The following C12orf56 variants were observed in gnomAD, a reference collection of about 807,000 sequenced individuals.
C12orf56 encodes the protein uncharacterized protein C12orf56.
Under a neutral mutation model 69.9 loss-of-function variants are expected in C12orf56, and 71 were observed. The ratio of observed to expected loss-of-function variants is 1.02; its 90% CI spans 0.84 to 1.24. The LOEUF is 1.24. C12orf56 is among the 50% of genes most tolerant of loss of function. The pLI is 0.00. For missense variants in C12orf56, 732 were observed against 738.5 expected (o/e 0.99, Z 0.10); for synonymous variants, 276 against 274.1 (o/e 1.01, Z -0.07).
At chr12:64,347,816 T>A (rs900435393) in intron 2 of C12orf56, among the ~76,000 whole-genome samples, 1 of 152,244 alleles carries the variant, frequency 6.6e-6, no homozygotes, top group Non-Finnish European at 1.5e-5. Context: ...GTCTTAAAGA[T>A]TATTGGCAAA....
At chr12:64,314,450 T>C (rs1347430649) in intron 4 of C12orf56, among the ~76,000 whole-genome samples, 5 of 152,192 alleles carry the variant, frequency 3.3e-5, no homozygotes, top group Admixed American at 6.5e-5. Context: ...ACAACACTTT[T>C]GTTAACTATT....
Position 64,265,857 on chromosome 12 carries a change from C to T in C12orf56, c.*1326G>A, listed in dbSNP as rs1486668625. The T allele has an allele frequency of 6.6e-6, 1 of 152,182 alleles. No homozygotes were observed. The highest frequency in any genetic ancestry group is 1.5e-5 in the Non-Finnish European group (1 of 68,050). The allele number at this position is 152,182 out of a possible 1,614,324, so 9.4% of individuals were successfully genotyped here. A position where few individuals can be genotyped will look rare whatever the true frequency, so the allele number is the denominator to read the frequency against. The stretch of plus-strand genomic sequence containing the variant: ...TTTGTGGAATTAAATTAGTTTATGG[C>T]ATAAAATATAGTAAAGACAAGTTTT... On this transcript the variant is annotated 3_prime_UTR_variant, in exon 13 of 13. Coordinates refer to ENST00000543942, the MANE Select transcript of C12orf56 (RefSeq NM_001170633.2).
At chr12:64,375,228 T>TTAGTAGAGACA (rs1229615322) in intron 1 of C12orf56, among the ~76,000 whole-genome samples, 1 of 152,062 alleles carries the variant, frequency 6.6e-6, no homozygotes, top group Admixed American at 6.6e-5. Context: ...CAGCTAATTT[T>TTAGTAGAGACA]GTATTTTTAG....
At chr12:64,373,448 TG>T (rs1394278355) in intron 1 of C12orf56, among the ~76,000 whole-genome samples, 1 of 152,070 alleles carries the variant, frequency 6.6e-6, no homozygotes, top group African/African-American at 2.4e-5. Context: ...AGACCTGTCT[TG>T]AAAAAAAATA....
intron 3 of C12orf56, among the ~76,000 whole-genome samples, chr12:64,321,986 T>G (rs1394372181): frequency 6.7e-6 from 1 of 149,444 alleles, no homozygotes; most frequent in East Asian, 1.9e-4. Context: ...TCATTAATTT[T>G]TTTTTACATT....
At chr12:64,331,828 TG>T (rs2136866644) in intron 2 of C12orf56, among the ~76,000 whole-genome samples, 1 of 152,268 alleles carries the variant, frequency 6.6e-6, no homozygotes, top group East Asian at 1.9e-4. Flanking sequence ...TAAGGTATTT[TG>T]TTATAGCAGC....
intron 9 of C12orf56, 39 bp downstream of exon 9, chr12:64,277,641 T>TAC (rs1565735109): frequency 8.0e-7 from 1 of 1,248,100 alleles, no homozygotes; most frequent in Non-Finnish European, 1.0e-6. Context: ...CCTATATATA[T>TAC]ATATATATAA....
At chr12:64,284,416 G>A (rs887423509) in intron 8 of C12orf56, among the ~76,000 whole-genome samples, 25 of 152,134 alleles carry the variant, frequency 1.6e-4, no homozygotes, top group Non-Finnish European at 4.4e-5. Context: ...AAGTTCACCA[G>A]ACTAGGACAA....
At chr12:64,367,836 C>G (rs1449323087) in intron 1 of C12orf56, among the ~76,000 whole-genome samples, 2 of 138,412 alleles carry the variant, frequency 1.4e-5, no homozygotes, top group African/African-American at 2.7e-5. Context: ...GAAATGGAGT[C>G]TTGCTCTGTC....
intron 2 of C12orf56, among the ~76,000 whole-genome samples, chr12:64,336,483 A>G (rs565926325): frequency 1.2e-4 from 18 of 152,286 alleles, no homozygotes; most frequent in Admixed American, 9.2e-4. Flanking sequence ...TGAAGGAAAA[A>G]AAAAGCCAAG....
intron 5 of C12orf56, among the ~76,000 whole-genome samples, chr12:64,307,004 G>C (rs10878143): frequency 1.3e-5 from 2 of 152,044 alleles, no homozygotes. Context: ...AATTAACTTA[G>C]TAATAAATAT....
intron 1 of C12orf56, among the ~76,000 whole-genome samples, chr12:64,369,320 C>A (rs965952400): frequency 6.6e-6 from 1 of 152,106 alleles, no homozygotes; most frequent in Non-Finnish European, 1.5e-5. Context: ...GCCTCAGCCT[C>A]CCAAATAGCT....
intron 2 of C12orf56, among the ~76,000 whole-genome samples, chr12:64,350,860 G>T (rs1361366626): frequency 6.6e-6 from 1 of 152,138 alleles, no homozygotes; most frequent in Non-Finnish European, 1.5e-5. Context: ...AGTCTATTTT[G>T]CAAACAACTC....
chr12:64,325,706 G>A (rs1565757071), intron 3 of C12orf56, among the ~76,000 whole-genome samples: 1 of 152,142 alleles, frequency 6.6e-6, no homozygotes, highest in Admixed American at 6.5e-5. Flanking sequence ...GGAGACTTGA[G>A]TACCCCACCT....
At chr12:64,327,440 C>T (rs12303938) in intron 3 of C12orf56, among the ~76,000 whole-genome samples, 41,230 of 152,054 alleles carry the variant, frequency 0.27, 5,950 homozygotes, top group East Asian at 0.5. Flanking sequence ...GCACGTCCTG[C>T]ATATGTATCT....
intron 2 of C12orf56, among the ~76,000 whole-genome samples, chr12:64,339,726 C>A (rs2039049251): frequency 6.6e-6 from 1 of 151,904 alleles, no homozygotes; most frequent in Non-Finnish European, 1.5e-5. Context: ...CTACACCCAG[C>A]TACTTTTTGT....
intron 1 of C12orf56, among the ~76,000 whole-genome samples, chr12:64,386,090 A>ACATT (rs1330561906): frequency 2.6e-5 from 4 of 152,208 alleles, no homozygotes; most frequent in Non-Finnish European, 4.4e-5. Context: ...CAGGCCCCCT[A>ACATT]CATTCCTTGG....
chr12:64,315,109 G>C (rs1241219944), intron 4 of C12orf56, among the ~76,000 whole-genome samples: 1 of 150,586 alleles, frequency 6.6e-6, no homozygotes, highest in African/African-American at 2.4e-5. Flanking sequence ...CCACCACCAC[G>C]GCCAGCCAAT....
chr12:64,371,347 G>A (rs565598184), intron 1 of C12orf56, among the ~76,000 whole-genome samples: 3 of 152,184 alleles, frequency 2.0e-5, no homozygotes, highest in East Asian at 1.9e-4. Context: ...GCAGTGAGCC[G>A]AAATGGCACT....
Sources: allele counts gnomAD v4.1 joint callset (sites outside exome capture counted in the v4.1 genomes callset), GRCh38; gene constraint gnomAD v4.1.1; transcripts MANE v1.5; gene names NCBI Gene and HGNC (gene_info 2026-07-23, HGNC 2026-07-21).